RNF152: variants seen among roughly 807,000 people sequenced by gnomAD.
RNF152 encodes ring finger protein 152.
RNF152 carries 11 observed loss-of-function variants against 12.7 expected under a neutral mutation model. That is an observed-to-expected ratio of 0.86 (90% CI 0.54 to 1.43). The LOEUF (loss-of-function observed/expected upper bound fraction) is 1.43. Among genes scored for constraint, RNF152 ranks in the 40% most tolerant of loss-of-function variants. The pLI is 0.00. For missense variants in RNF152, 255 were observed against 274.8 expected, an observed-to-expected ratio of 0.93 and a Z score of 0.51; for synonymous variants, 113 against 120.3, an observed-to-expected ratio of 0.94 and a Z score of 0.40.
At chr18:61,848,364 A>G (rs879591726) in intron 1 of RNF152, among the ~76,000 whole-genome samples, 1 of 152,166 alleles carries the variant, frequency 6.6e-6, no homozygotes, top group Non-Finnish European at 1.5e-5. Context: ...ACATTTTTTG[A>G]ATGATTCCAT....
chr18:61,883,975 G>T (rs1912576872), intron 1 of RNF152, among the ~76,000 whole-genome samples: 1 of 152,134 alleles, frequency 6.6e-6, no homozygotes, highest in African/African-American at 2.4e-5. Flanking sequence ...AACGCTGAAG[G>T]CTGTAGTTAC....
At chr18:61,866,452 T>C (rs1012092515) in intron 1 of RNF152, among the ~76,000 whole-genome samples, 1 of 2,178 alleles carries the variant, frequency 4.6e-4, no homozygotes, top group African/African-American at 5.3e-4. Flanking sequence ...ACATCCACAC[T>C]CTCGCCCGCG....
rs1190421450 is a variant in RNF152, at chr18:61,810,053, A to T, written c.*5799T>A. On this transcript the variant is annotated 3_prime_UTR_variant, in exon 2 of 2. Coordinates refer to ENST00000312828, the MANE Select transcript of RNF152 (RefSeq NM_173557.3). ...TTCTTCAATGATTAATGGCTTTCCA[A>T]TAAAATGTATACAGTAGAACCTACC... 1.3e-5 allele frequency: 2 copies of T among 152,200 alleles called. No individual in the cohort carries two copies. Among genetic ancestry groups the T allele is most frequent in the African/African-American group, 4.8e-5 (2 of 41,468 alleles). The allele number at this position is 152,200 out of a possible 1,614,324, so 9.4% of individuals were successfully genotyped here.
intron 1 of RNF152, among the ~76,000 whole-genome samples, chr18:61,887,578 T>C (rs982450596): frequency 4.6e-5 from 7 of 151,580 alleles, no homozygotes; most frequent in African/African-American, 1.7e-4. Flanking sequence ...ATTATCCCAG[T>C]AATCCCAGCT....
chr18:61,873,857 G>A (rs925155169), intron 1 of RNF152, among the ~76,000 whole-genome samples: 2 of 152,130 alleles, frequency 1.3e-5, no homozygotes, highest in African/African-American at 4.8e-5. Flanking sequence ...CCAAGTCCAG[G>A]GTAGCAGATC....
intron 1 of RNF152, among the ~76,000 whole-genome samples, chr18:61,858,191 G>A (rs1911311380): frequency 6.6e-6 from 1 of 152,186 alleles, no homozygotes; most frequent in South Asian, 2.1e-4. Context: ...AGGTCCCACT[G>A]ACTGTGGGCT....
chr18:61,816,765 C>T lies in RNF152; in HGVS notation c.-135-167G>A, dbSNP rs115735859. 3.5e-3 allele frequency among the ~76,000 whole-genome samples: 533 copies of T among 152,234 alleles called. 4 individuals are homozygous for T. The highest frequency in any genetic ancestry group is 0.011 in the African/African-American group (465 of 41,552). On this transcript the variant is annotated intron_variant, in intron 1 of 1. Transcript: ENST00000312828. ...GATTCCCATAACGCCCAGTGAAAGG[C>T]GAATGAAAGTTGTCTCAGAGAGCAT...
At chr18:61,861,019 G>C (rs1191511240) in intron 1 of RNF152, among the ~76,000 whole-genome samples, 1 of 152,150 alleles carries the variant, frequency 6.6e-6, no homozygotes, top group Non-Finnish European at 1.5e-5. Flanking sequence ...TAATCTAAGT[G>C]TTATTAAAAA....
chr18:61,825,861 A>AT (rs910125700), intron 1 of RNF152, among the ~76,000 whole-genome samples: 21 of 150,626 alleles, frequency 1.4e-4, no homozygotes, highest in Admixed American at 3.3e-4. Flanking sequence ...CCTACTCCTA[A>AT]TTTTTTTTTT....
In RNF152 at chr18:61,887,590, C is replaced by G. The variant is rs188858316; in HGVS notation, c.-136+5205G>C. On this transcript the variant is annotated intron_variant, in intron 1 of 1. Coordinates refer to ENST00000312828, the MANE Select transcript of RNF152 (RefSeq NM_173557.3). ...AAAATTATCCCAGTAATCCCAGCTACTCGAGAGGCTGAGGCAGGAGAATAG... is the reference window on the plus strand; with the variant it reads ...AAAATTATCCCAGTAATCCCAGCTAGTCGAGAGGCTGAGGCAGGAGAATAG... Among the ~76,000 whole-genome samples, 21 of 151,732 alleles carry G rather than the reference C, an allele frequency of 1.4e-4. No homozygotes were observed. In the East Asian group the frequency reaches 3.7e-3, roughly 27 times the overall value.
chr18:61,810,384 G>T lies in RNF152; in HGVS notation c.*5468C>A, dbSNP rs1052765532. On this transcript the variant is annotated 3_prime_UTR_variant, in exon 2 of 2. Transcript: ENST00000312828. ...ATGTTGGCTGGGTGCAGTGGCCCAT[G>T]CCTGTAATCCCAGCACTTTGGGAGG... 9.9e-5 allele frequency: 15 copies of T among 152,214 alleles called. No homozygotes were observed. Among genetic ancestry groups the T allele is most frequent in the African/African-American group, 3.6e-4 (15 of 41,448 alleles). The allele number at this position is 152,214 out of a possible 1,614,324, so 9.4% of individuals were successfully genotyped here.
intron 1 of RNF152, among the ~76,000 whole-genome samples, chr18:61,836,129 T>G (rs1234546575): frequency 6.6e-6 from 1 of 152,178 alleles, no homozygotes; most frequent in Non-Finnish European, 1.5e-5. Flanking sequence ...CTAAGTAGCA[T>G]TTCTCACTAA....
chr18:61,857,188 T>C (rs570356370), intron 1 of RNF152, among the ~76,000 whole-genome samples: 5 of 152,248 alleles, frequency 3.3e-5, no homozygotes, highest in Admixed American at 3.3e-4. Context: ...GTCTCCATTA[T>C]CCCCAACACT....
intron 1 of RNF152, among the ~76,000 whole-genome samples, chr18:61,874,476 C>G (rs60209985): frequency 0.032 from 4,863 of 152,262 alleles, 266 homozygotes; most frequent in African/African-American, 0.11. Context: ...AAATAATGTG[C>G]AACTATTTTA....
At chr18:61,828,459 A>G (rs554504960) in intron 1 of RNF152, among the ~76,000 whole-genome samples, 1 of 152,258 alleles carries the variant, frequency 6.6e-6, no homozygotes, top group African/African-American at 2.4e-5. Flanking sequence ...GGATCTTGCC[A>G]TGTTGCCCAG....
At chr18:61,869,407 G>T (rs549019825) in intron 1 of RNF152, among the ~76,000 whole-genome samples, 1 of 152,126 alleles carries the variant, frequency 6.6e-6, no homozygotes, top group African/African-American at 2.4e-5. Flanking sequence ...TGGAGGTATT[G>T]TCTCCTGCAC....
intron 1 of RNF152, among the ~76,000 whole-genome samples, chr18:61,887,359 C>A (rs1912746923): frequency 6.6e-6 from 1 of 152,116 alleles, no homozygotes; most frequent in Admixed American, 6.6e-5. Context: ...AGGTTCTTGA[C>A]TAAGATGCGG....
chr18:61,880,919 T>C (rs1481835122), intron 1 of RNF152, among the ~76,000 whole-genome samples: 1 of 150,998 alleles, frequency 6.6e-6, no homozygotes, highest in African/African-American at 2.4e-5. Context: ...TTTTCTTTTT[T>C]TTTTTTTTTT....
At chr18:61,855,468 C>T (rs1433914901) in intron 1 of RNF152, among the ~76,000 whole-genome samples, 1 of 152,248 alleles carries the variant, frequency 6.6e-6, no homozygotes, top group Non-Finnish European at 1.5e-5. Flanking sequence ...GGCTGTGACA[C>T]CCCCTTTGGG....
Sources: gnomAD v4.1 joint callset for allele counts (sites outside exome capture counted in the v4.1 genomes callset) on GRCh38, gnomAD v4.1.1 for gene constraint, MANE v1.5 for transcripts, NCBI Gene and HGNC (gene_info 2026-07-23, HGNC 2026-07-21) for gene names.